Variants in RGS5 observed in about 807,000 individuals in gnomAD.
RGS5 encodes the protein regulator of G protein signaling 5, also known as regulator of G-protein signalling 5.
In RGS5, 20 loss-of-function variants were observed where a neutral mutation model predicts 18.9. The observed-to-expected ratio is 1.06, with a 90% confidence interval of 0.74 to 1.54. RGS5 has a LOEUF of 1.54. Ranked by LOEUF, RGS5 falls within the 40% of genes most tolerant of loss-of-function variation. RGS5 has a pLI of 0.00. For synonymous variants in RGS5, 57 were observed against 76.2 expected (o/e 0.75, Z 1.31); for missense variants, 201 against 211.8 (o/e 0.95, Z 0.32).
intron 3 of RGS5, among the ~76,000 whole-genome samples, chr1:163,154,389 G>A (rs1657505445): frequency 2.6e-5 from 4 of 152,126 alleles, no homozygotes. Context: ...TGGCTAGGAT[G>A]ATCGTTAACT....
At chr1:163,178,766 C>A (rs1430241718) in intron 1 of RGS5, among the ~76,000 whole-genome samples, 2 of 152,148 alleles carry the variant, frequency 1.3e-5, no homozygotes, top group African/African-American at 4.8e-5. Context: ...TTCAGGAGAA[C>A]TTACCATAAA....
At chr1:163,154,493 G>T (rs1320499522) in intron 3 of RGS5, among the ~76,000 whole-genome samples, 1 of 151,394 alleles carries the variant, frequency 6.6e-6, no homozygotes, top group East Asian at 1.9e-4. Flanking sequence ...ATTTTTAATT[G>T]ATTAACAATA....
intron 1 of RGS5, among the ~76,000 whole-genome samples, chr1:163,174,860 A>G (rs995293049): frequency 1.3e-5 from 2 of 152,230 alleles, no homozygotes; most frequent in African/African-American, 4.8e-5. Flanking sequence ...AACAGCGAGA[A>G]GGAAGAAGAG....
chr1:163,190,738 A>C (rs1659311000), intron 1 of RGS5, among the ~76,000 whole-genome samples: 1 of 152,232 alleles, frequency 6.6e-6, no homozygotes, highest in Non-Finnish European at 1.5e-5. Context: ...GCTGAATTGC[A>C]TGTTGTTTTC....
At chr1:163,159,361 T>C (rs1309632859) in intron 3 of RGS5, among the ~76,000 whole-genome samples, 3 of 152,200 alleles carry the variant, frequency 2.0e-5, no homozygotes, top group African/African-American at 7.2e-5. Context: ...TGTTCAAAGA[T>C]TGCAGTAAAG....
chr1:163,285,352 C>T (rs1467416902), intron 2 of RGS5, among the ~76,000 whole-genome samples: 4 of 151,972 alleles, frequency 2.6e-5, no homozygotes, highest in South Asian at 2.1e-4. Flanking sequence ...GTCAGGAGTT[C>T]GAACCCAGCC....
At chr1:163,302,524 C>T (rs1236668177) in intron 2 of RGS5, among the ~76,000 whole-genome samples, 27 of 152,170 alleles carry the variant, frequency 1.8e-4, no homozygotes, top group Non-Finnish European at 2.4e-4. Context: ...TACTGGTATG[C>T]ATTGTCACCC....
intron 1 of RGS5, among the ~76,000 whole-genome samples, chr1:163,174,777 G>T (rs1421194980): frequency 6.6e-6 from 1 of 152,178 alleles, no homozygotes; most frequent in Non-Finnish European, 1.5e-5. Flanking sequence ...CTGGGGCATA[G>T]GCTATTCCTG....
chr1:163,301,317 A>G (rs1203182597), intron 2 of RGS5, among the ~76,000 whole-genome samples: 1 of 149,376 alleles, frequency 6.7e-6, no homozygotes, highest in Non-Finnish European at 1.5e-5. Flanking sequence ...AAAATCAGAA[A>G]CGGGCAATTA....
At chr1:163,246,930 A>G (rs1647957580) in intron 2 of RGS5, among the ~76,000 whole-genome samples, 1 of 152,244 alleles carries the variant, frequency 6.6e-6, no homozygotes, top group African/African-American at 2.4e-5. Context: ...TGTCGTTTGC[A>G]GCAACATGGA....
At chr1:163,186,829 T>G (rs534462414) in intron 1 of RGS5, among the ~76,000 whole-genome samples, 4 of 152,160 alleles carry the variant, frequency 2.6e-5, no homozygotes, top group Non-Finnish European at 4.4e-5. Flanking sequence ...CAATTCTCAG[T>G]CTGTGATTCT....
chr1:163,256,046 G>A (rs920786771), intron 2 of RGS5, among the ~76,000 whole-genome samples: 12 of 152,008 alleles, frequency 7.9e-5, no homozygotes, highest in African/African-American at 2.9e-4. Flanking sequence ...TTTGAAAACT[G>A]GTACAAGACA....
intron 1 of RGS5, among the ~76,000 whole-genome samples, chr1:163,310,659 C>T (rs1276924572): frequency 6.6e-6 from 1 of 151,466 alleles, no homozygotes; most frequent in African/African-American, 2.4e-5. Flanking sequence ...TGTTGTTTAG[C>T]GTAGTCACTT....
chr1:163,170,559 A>G (rs1658255061), intron 1 of RGS5, among the ~76,000 whole-genome samples: 2 of 152,160 alleles, frequency 1.3e-5, no homozygotes, highest in Admixed American at 6.5e-5. Flanking sequence ...ATTTGCAGTT[A>G]CGGATATTAG....
intron 2 of RGS5, chr1:163,266,648 C>T (rs1359651391): frequency 6.6e-6 from 1 of 152,116 alleles, no homozygotes; most frequent in Non-Finnish European, 1.5e-5. Flanking sequence ...ACTCCATCTA[C>T]CACACAGCCT....
At chr1:163,234,499 T>C (rs1373495140) in intron 2 of RGS5, among the ~76,000 whole-genome samples, 1 of 152,212 alleles carries the variant, frequency 6.6e-6, no homozygotes, top group Non-Finnish European at 1.5e-5. Context: ...TTGTTCATTA[T>C]TTACATCACA....
chr1:163,254,903 G>C (rs928546958), intron 2 of RGS5, among the ~76,000 whole-genome samples: 8 of 151,424 alleles, frequency 5.3e-5, no homozygotes, highest in Non-Finnish European at 1.2e-4. Flanking sequence ...ATTAAATAGG[G>C]AATCCTTTCC....
intron 2 of RGS5, among the ~76,000 whole-genome samples, chr1:163,247,069 C>G (rs1226396505): frequency 6.6e-6 from 1 of 152,058 alleles, no homozygotes; most frequent in African/African-American, 2.4e-5. Context: ...TAATAGACAC[C>G]AGGGCCTACT....
intron 2 of RGS5, among the ~76,000 whole-genome samples, chr1:163,289,816 A>C (rs1649234694): frequency 6.6e-6 from 1 of 152,150 alleles, no homozygotes; most frequent in South Asian, 2.1e-4. Context: ...AGCCCTCGGT[A>C]AGGCTTCCAT....
Sources: allele counts gnomAD v4.1 joint callset (sites outside exome capture counted in the v4.1 genomes callset), GRCh38; gene constraint gnomAD v4.1.1; transcripts MANE v1.5; gene names NCBI Gene and HGNC (gene_info 2026-07-23, HGNC 2026-07-21).